DLG2: variants seen among roughly 807,000 people sequenced by gnomAD.
DLG2 encodes disks large homolog 2.
Under a neutral mutation model 132.5 loss-of-function variants are expected in DLG2, and 45 were observed. The ratio of observed to expected loss-of-function variants is 0.34; its 90% CI spans 0.27 to 0.44. The LOEUF (loss-of-function observed/expected upper bound fraction) is 0.44, where lower values mean the gene tolerates loss of function less well. Ranked by LOEUF, DLG2 falls within the 20% of genes least tolerant of loss-of-function variation. The pLI is 1.00. For synonymous variants in DLG2, 424 were observed against 419.6 expected (o/e 1.01, Z -0.13); for missense variants, 1,045 against 1,196.9 (o/e 0.87, Z 1.87).
intron 18 of DLG2, among the ~76,000 whole-genome samples, chr11:83,683,622 T>C (rs1169697595): frequency 1.3e-5 from 2 of 152,188 alleles, no homozygotes; most frequent in African/African-American, 4.8e-5. Context: ...AAAATGGGTA[T>C]ATTGAAACGT....
At chr11:83,540,306 A>T (rs1204577741) in intron 20 of DLG2, among the ~76,000 whole-genome samples, 1 of 152,228 alleles carries the variant, frequency 6.6e-6, no homozygotes, top group Non-Finnish European at 1.5e-5. Flanking sequence ...TGCTTTAAAC[A>T]TGTAACCTTT....
chr11:85,487,704 T>C (rs763071603), intron 3 of DLG2, among the ~76,000 whole-genome samples: 2 of 152,088 alleles, frequency 1.3e-5, no homozygotes, highest in Non-Finnish European at 2.9e-5. Context: ...ATTTACAAAT[T>C]ATTGGTAGTT....
intron 9 of DLG2, among the ~76,000 whole-genome samples, chr11:84,151,789 T>C (rs1286206035): frequency 6.6e-6 from 1 of 152,226 alleles, no homozygotes; most frequent in Non-Finnish European, 1.5e-5. Context: ...TCTGCCTTAA[T>C]GTTATTATTC....
chr11:84,944,158 T>C (rs1405909010), intron 6 of DLG2, among the ~76,000 whole-genome samples: 2 of 152,210 alleles, frequency 1.3e-5, no homozygotes, highest in Non-Finnish European at 2.9e-5. Context: ...TAGGATCCTT[T>C]CTTTATCCTT....
At chr11:84,101,705 T>C (rs767472954) in intron 9 of DLG2, among the ~76,000 whole-genome samples, 25 of 152,194 alleles carry the variant, frequency 1.6e-4, no homozygotes, top group Admixed American at 5.2e-4. Context: ...GTATTTTCAA[T>C]GTAATTTGGG....
chr11:85,176,445 C>A (rs1383161155), intron 4 of DLG2, among the ~76,000 whole-genome samples: 1 of 152,108 alleles, frequency 6.6e-6, no homozygotes, highest in African/African-American at 2.4e-5. Context: ...TTTCCTTACA[C>A]AATATACAAA....
intron 3 of DLG2, among the ~76,000 whole-genome samples, chr11:85,404,265 T>C (rs1337797984): frequency 2.0e-5 from 3 of 151,822 alleles, no homozygotes; most frequent in Non-Finnish European, 2.9e-5. Context: ...GTAAGGTAAC[T>C]CAAGAAGAGT....
intron 8 of DLG2, among the ~76,000 whole-genome samples, chr11:84,242,623 C>G (rs1011988482): frequency 3.9e-5 from 6 of 152,094 alleles, no homozygotes; most frequent in Non-Finnish European, 8.8e-5. Flanking sequence ...CCAGGCTGGT[C>G]TCGAACTTCT....
intron 6 of DLG2, among the ~76,000 whole-genome samples, chr11:84,901,382 A>G (rs1648278072): frequency 1.3e-5 from 2 of 152,182 alleles, no homozygotes; most frequent in East Asian, 3.9e-4. Flanking sequence ...GGGATAAGAG[A>G]TGCCATAGCC....
intron 3 of DLG2, among the ~76,000 whole-genome samples, chr11:85,367,510 A>G (rs1225050827): frequency 6.6e-6 from 1 of 152,164 alleles, no homozygotes; most frequent in Admixed American, 6.5e-5. Flanking sequence ...TTATGGCACT[A>G]TTATTATTGT....
chr11:83,654,247 T>C (rs1341779738), intron 18 of DLG2, among the ~76,000 whole-genome samples: 1 of 152,130 alleles, frequency 6.6e-6, no homozygotes, highest in African/African-American at 2.4e-5. Flanking sequence ...GGAGCTACAT[T>C]AGGATTAGAA....
chr11:83,576,653 G>A (rs537317189), intron 19 of DLG2, among the ~76,000 whole-genome samples: 26 of 152,274 alleles, frequency 1.7e-4, no homozygotes, highest in Admixed American at 3.9e-4. Context: ...TGCACTGTAA[G>A]GGTCAACTTA....
intron 17 of DLG2, among the ~76,000 whole-genome samples, chr11:83,813,454 A>T (rs998826539): frequency 1.2e-4 from 19 of 152,116 alleles, no homozygotes; most frequent in African/African-American, 4.3e-4. Flanking sequence ...ATGCCTGCAG[A>T]TGGTCAGCTG....
At chr11:84,195,110 C>G (rs558021420) in intron 8 of DLG2, among the ~76,000 whole-genome samples, 1 of 152,142 alleles carries the variant, frequency 6.6e-6, no homozygotes, top group Admixed American at 6.5e-5. Flanking sequence ...CCAGAGCAAG[C>G]GAGGGCTGCT....
At position 84,800,854 on chromosome 11, in the gene DLG2, G is replaced by A. The variant is rs527751237; in HGVS notation, c.358-266123C>T. Among the ~76,000 whole-genome samples, 120 of 152,262 alleles carry A rather than the reference G, an allele frequency of 7.9e-4. 1 individual carries two copies. Among genetic ancestry groups the A allele is most frequent in the African/African-American group, 2.7e-3 (111 of 41,550 alleles). On this transcript the variant is annotated intron_variant, in intron 6 of 27. Coordinates refer to ENST00000376104, the MANE Select transcript of DLG2 (RefSeq NM_001142699.3). ...TTTTTACGAGTCTACAGTTTTACAAGTTTAATGACATGTTCAGAGGGACTA... is the reference window on the plus strand; with the variant it reads ...TTTTTACGAGTCTACAGTTTTACAAATTTAATGACATGTTCAGAGGGACTA...
At chr11:84,277,399 A>C (rs2097792696) in intron 7 of DLG2, among the ~76,000 whole-genome samples, 1 of 152,214 alleles carries the variant, frequency 6.6e-6, no homozygotes, top group South Asian at 2.1e-4. Flanking sequence ...AATAGGACTA[A>C]GTTGAAAATC....
At chr11:83,702,672 T>C (rs2083168654) in intron 18 of DLG2, among the ~76,000 whole-genome samples, 1 of 152,206 alleles carries the variant, frequency 6.6e-6, no homozygotes, top group African/African-American at 2.4e-5. Context: ...TGTGTGTTGA[T>C]TGAAACTGAG....
chr11:84,551,881 C>T (rs1008674600), intron 6 of DLG2, among the ~76,000 whole-genome samples: 1 of 152,140 alleles, frequency 6.6e-6, no homozygotes, highest in Non-Finnish European at 1.5e-5. Flanking sequence ...AATGACACTG[C>T]CATTTCTCTG....
chr11:84,119,070 T>C (rs571033754), intron 9 of DLG2, among the ~76,000 whole-genome samples: 335 of 152,218 alleles, frequency 2.2e-3, no homozygotes, highest in African/African-American at 7.5e-3. Context: ...CAATAATGTT[T>C]CCCTCAAAGT....
Sources: allele counts gnomAD v4.1 joint callset (sites outside exome capture counted in the v4.1 genomes callset), GRCh38; gene constraint gnomAD v4.1.1; transcripts MANE v1.5; gene names NCBI Gene and HGNC (gene_info 2026-07-23, HGNC 2026-07-21).